PFKM: variants seen among roughly 807,000 people sequenced by gnomAD.
PFKM encodes ATP-dependent 6-phosphofructokinase, muscle type.
A neutral mutation model predicts 95.5 loss-of-function variants in PFKM; 58 were observed. The ratio of observed to expected loss-of-function variants is 0.61; its 90% CI spans 0.49 to 0.76. The LOEUF is 0.76. PFKM is among the 30% of genes least tolerant of loss of function. PFKM has a pLI of 0.00. For synonymous variants in PFKM, 336 were observed against 357.2 expected (o/e 0.94, Z 0.67); for missense variants, 678 against 1,005.4 (o/e 0.67, Z 4.40).
chr12:48,125,475 G>A (rs775970858), intron 2 of PFKM: 6 of 354,010 alleles, frequency 1.7e-5, no homozygotes, highest in Admixed American at 1.1e-4. Flanking sequence ...TACAAAATTA[G>A]CTGGGCGTGG....
intron 6 of PFKM, 68 bp from the exon 7 acceptor site, chr12:48,134,164 G>T: frequency 7.6e-7 from 1 of 1,322,502 alleles, no homozygotes; most frequent in Non-Finnish European, 1.1e-6. Context: ...AATTGGCCTA[G>T]ATGTGGGTGG....
At chr12:48,108,419 C>T (rs1019059297) in intron 3 of PFKM, among the ~76,000 whole-genome samples, 2 of 152,006 alleles carry the variant, frequency 1.3e-5, no homozygotes, top group Admixed American at 6.6e-5. Flanking sequence ...GATGGATCAT[C>T]TGGGAAATTG....
At chr12:48,135,259 C>G in intron 9 of PFKM, 32 bp from the exon 10 acceptor site, 1 of 1,554,206 alleles carries the variant, frequency 6.4e-7, no homozygotes, top group Non-Finnish European at 8.9e-7. Flanking sequence ...CTCTGCGTAA[C>G]CCTCTCTCTG....
rs11552507 is a variant in PFKM, at chr12:48,132,936, C to T, written c.306C>T (p.Ala102=). The T allele has an allele frequency of 0.022, 36,049 of 1,614,122 alleles. 491 individuals carry two copies. Among genetic ancestry groups the T allele is most frequent in the Non-Finnish European group, 0.026 (30,442 of 1,179,998 alleles). Residue 102 remains alanine (A), a synonymous_variant, in exon 5 of 23, where the codon GCC becomes GCT. Coordinates refer to ENST00000359794, the MANE Select transcript of PFKM (RefSeq NM_000289.6). The part of the protein sequence containing the change: ...FREREGRLRA[A]YNLVKRGITN... ...AACGAGAAGGACGACTCCGAGCTGC[C>T]TACAACCTGGTGAAGCGTGGGATCA... is the stretch of plus-strand genomic sequence containing the variant.
At chr12:48,141,443 G>T (rs1361295004) in intron 15 of PFKM, 62 bp downstream of exon 15, 1 of 1,397,256 alleles carries the variant, frequency 7.2e-7, no homozygotes, top group Non-Finnish European at 1.0e-6. Context: ...TTGGATGTGG[G>T]TTCATTATGC....
chr12:48,125,010 G>C (rs1293555610), intron 2 of PFKM, among the ~76,000 whole-genome samples: 59 of 152,168 alleles, frequency 3.9e-4, no homozygotes, highest in Admixed American at 3.9e-3. Flanking sequence ...AAAATCCATA[G>C]AGGTCACAGC....
intron 9 of PFKM, 80 bp downstream of exon 9, chr12:48,135,118 C>T: frequency 8.3e-7 from 1 of 1,208,440 alleles, no homozygotes; most frequent in Non-Finnish European, 1.2e-6. Flanking sequence ...GACATTGCTT[C>T]TCCCCTTGGT....
At chr12:48,118,589 G>T, upstream of PFKM, 1 of 1,335,992 alleles carries the variant, frequency 7.5e-7, no homozygotes, top group Non-Finnish European at 1.0e-6. Context: ...TGAGACTTGA[G>T]TAATGGATGC....
chr12:48,114,118 T>C (rs1947460888), intron 3 of PFKM, among the ~76,000 whole-genome samples: 1 of 152,212 alleles, frequency 6.6e-6, no homozygotes. Flanking sequence ...CTCTAATGCC[T>C]TCCTGGAGGT....
chr12:48,145,881 G>T lies in PFKM; in HGVS notation c.*173G>T. On this transcript the variant is annotated 3_prime_UTR_variant, in exon 23 of 23. Coordinates refer to ENST00000359794, the MANE Select transcript of PFKM (RefSeq NM_000289.6). This position sits in a 1 kb window ranked among gnomAD's most constrained non-coding sequence, Gnocchi z 4.3. ...CTGGAGGAGCAGGCAGTGGGTGGGA[G>T]CTCCTTTTAGGTAGAATTTAACATG... 1 of 649,922 alleles carries T rather than the reference G, an allele frequency of 1.5e-6. No individual in the cohort carries two copies. The allele number at this position is 649,922 out of a possible 1,614,324, so 40.3% of individuals were successfully genotyped here. A position where few individuals can be genotyped will look rare whatever the true frequency, so the allele number is the denominator to read the frequency against.
At chr12:48,137,065 CT>C (rs1235123072) in intron 10 of PFKM, among the ~76,000 whole-genome samples, 163 of 122,900 alleles carry the variant, frequency 1.3e-3, no homozygotes, top group Admixed American at 1.4e-3. Context: ...TTTTTTTTTT[CT>C]TTTTTTTTTT....
At chr12:48,107,162 C>G (rs1348947137) in intron 1 of PFKM, among the ~76,000 whole-genome samples, 1 of 152,174 alleles carries the variant, frequency 6.6e-6, no homozygotes, top group African/African-American at 2.4e-5. Flanking sequence ...CTGATACTCT[C>G]AGCAGCTTGC....
Position 48,140,751 on chromosome 12 carries a change from C to T in PFKM, c.1221C>T (p.Asn407=), listed in dbSNP as rs764231757. The T allele has an allele frequency of 1.9e-6, 3 of 1,614,170 alleles. No individual in the cohort carries two copies. The highest frequency in any genetic ancestry group is 1.7e-5 in the Admixed American group (1 of 60,028). The change falls in exon 14 of 23, where the codon AAC becomes AAT. Residue 407 remains asparagine, a synonymous_variant. Coordinates refer to ENST00000359794, the MANE Select transcript of PFKM (RefSeq NM_000289.6). ...GTTCGCACACAGTGGCTGTGATGAA[C>T]GTGGGGGCTCCGGCTGCAGGCATGA... ...KSGSHTVAVM[N]VGAPAAGMNA... is the part of the protein sequence containing the mutation.
Position 48,145,609 on chromosome 12 carries a change from C to A in PFKM, c.2244C>A (p.Ile748=). Reference sequence around the variant, plus strand: ...AGTGGTGGCTGAAACTGAGGCCCATCCTCAAAATCCTAGCCAAGTACGAGA... The same window carrying A: ...AGTGGTGGCTGAAACTGAGGCCCATACTCAAAATCCTAGCCAAGTACGAGA... The part of the protein sequence containing the change: ...KEQWWLKLRP[I]LKILAKYEID... The change falls in exon 23 of 23, where the codon ATC becomes ATA. Residue 748 remains isoleucine, a synonymous_variant. Coordinates refer to ENST00000359794, the MANE Select transcript of PFKM (RefSeq NM_000289.6). This position sits in a 1 kb window ranked among gnomAD's most constrained non-coding sequence, Gnocchi z 4.3. 6.2e-7 allele frequency: 1 copy of A among 1,614,086 alleles called. No individual in the cohort carries two copies. The highest frequency in any genetic ancestry group is 8.5e-7 in the Non-Finnish European group (1 of 1,179,994).
exon 3 of PFKM, chr12:48,108,171 G>A: frequency 6.3e-7 from 1 of 1,598,574 alleles, no homozygotes; most frequent in Non-Finnish European, 8.5e-7. Flanking sequence ...GACACCGTGG[G>A]AAGCATACCT....
chr12:48,140,917 A>G (rs369807763), intron 14 of PFKM, 46 bp downstream of exon 14: 161 of 1,604,146 alleles, frequency 1.0e-4, no homozygotes, highest in Non-Finnish European at 1.2e-4. Context: ...GGGGAAGATA[A>G]GTGTAGCAAG....
At chr12:48,110,661 G>T (rs947527966) in intron 3 of PFKM, among the ~76,000 whole-genome samples, 1 of 152,188 alleles carries the variant, frequency 6.6e-6, no homozygotes, top group South Asian at 2.1e-4. Context: ...AGGGTGTTCT[G>T]CTCCTTGTTC....
intron 12 of PFKM, 45 bp downstream of exon 12, chr12:48,139,394 G>T (rs539959647): frequency 6.7e-7 from 1 of 1,486,558 alleles, no homozygotes. Flanking sequence ...AATCAGAGGC[G>T]TGAACGAAGC....
chr12:48,139,213 C>A, intron 11 of PFKM, 72 bp from the exon 12 acceptor site: 1 of 1,189,246 alleles, frequency 8.4e-7, no homozygotes, highest in Non-Finnish European at 1.3e-6. Context: ...CAGAGTTCGA[C>A]TGTGGGATGG....
Sources: gnomAD v4.1 joint callset for allele counts (sites outside exome capture counted in the v4.1 genomes callset) on GRCh38, gnomAD v4.1.1 for gene constraint, Gnocchi (gnomAD v3.1) non-coding constraint, MANE v1.5 for transcripts, NCBI Gene and HGNC (gene_info 2026-07-23, HGNC 2026-07-21) for gene names.